GALNT13: variants seen among roughly 807,000 people sequenced by gnomAD.
GALNT13 encodes the protein UDP-GalNAc:polypeptide N-acetylgalactosaminyltransferase 13.
Under a neutral mutation model 64.2 loss-of-function variants are expected in GALNT13, and 28 were observed. The ratio of observed to expected loss-of-function variants is 0.44; its 90% CI spans 0.32 to 0.60. GALNT13 has a LOEUF of 0.60. Among genes scored for constraint, GALNT13 ranks in the 20% least tolerant of loss-of-function variants. The probability of loss-of-function intolerance (pLI) is 0.05; values close to 1 mark genes in which losing one functional copy is unlikely to be tolerated. For synonymous variants in GALNT13, 214 were observed against 224.6 expected (o/e 0.95, Z 0.42); for missense variants, 577 against 669.8 (o/e 0.86, Z 1.53).
At chr2:153,676,926 C>T in the GALNT13 span, among the ~76,000 whole-genome samples, 48 of 151,880 alleles carry the variant, frequency 3.2e-4, no homozygotes, top group Non-Finnish European at 4.7e-4. Context: ...ATAATCATAC[C>T]GAATGGGCAA....
chr2:154,064,604 G>C (rs1574436404), intron 3 of GALNT13, among the ~76,000 whole-genome samples: 1 of 152,092 alleles, frequency 6.6e-6, no homozygotes, highest in Non-Finnish European at 1.5e-5. Flanking sequence ...CTAGCACCCA[G>C]TGATATTTCT....
the GALNT13 span, among the ~76,000 whole-genome samples, chr2:153,617,042 G>GT: frequency 6.6e-6 from 1 of 151,836 alleles, no homozygotes; most frequent in Non-Finnish European, 1.5e-5. Context: ...CAGATGTTCT[G>GT]TAAGAAATAT....
chr2:154,044,281 CAG>C (rs1445833479), intron 3 of GALNT13, among the ~76,000 whole-genome samples: 1 of 152,024 alleles, frequency 6.6e-6, no homozygotes, highest in Non-Finnish European at 1.5e-5. Context: ...GTGAAATTAA[CAG>C]ATATTAATTT....
At chr2:153,776,040 A>C in the GALNT13 span, among the ~76,000 whole-genome samples, 6 of 152,170 alleles carry the variant, frequency 3.9e-5, no homozygotes, top group Admixed American at 6.5e-5. Context: ...TCAATAGGAA[A>C]CTTCGAAGAA....
At chr2:153,935,470 C>T (rs1181226674) in intron 2 of GALNT13, among the ~76,000 whole-genome samples, 19 of 152,154 alleles carry the variant, frequency 1.2e-4, no homozygotes, top group Admixed American at 1.2e-3. Context: ...GAGTTGTAGC[C>T]TGGATTGTTT....
intron 3 of GALNT13, among the ~76,000 whole-genome samples, chr2:154,061,345 T>A (rs1254750302): frequency 6.6e-6 from 1 of 152,200 alleles, no homozygotes; most frequent in East Asian, 1.9e-4. Context: ...CTTTCCGCCA[T>A]GTGACCTGAC....
At chr2:153,423,930 T>C in the GALNT13 span, among the ~76,000 whole-genome samples, 4 of 151,532 alleles carry the variant, frequency 2.6e-5, no homozygotes, top group South Asian at 8.3e-4. Flanking sequence ...TGTTAGACTA[T>C]AAAGTGCCTA....
intron 10 of GALNT13, among the ~76,000 whole-genome samples, chr2:154,400,513 T>C (rs1293079795): frequency 2.6e-5 from 4 of 152,178 alleles, no homozygotes; most frequent in Non-Finnish European, 5.9e-5. Context: ...GAGGCAAATA[T>C]GGTATTCAGT....
At chr2:154,231,540 G>A (rs1230552568) in intron 4 of GALNT13, among the ~76,000 whole-genome samples, 3 of 151,750 alleles carry the variant, frequency 2.0e-5, no homozygotes, top group Non-Finnish European at 1.5e-5. Flanking sequence ...TTATTTTAAA[G>A]AACTTCAATT....
intron 2 of GALNT13, among the ~76,000 whole-genome samples, chr2:153,931,910 T>C (rs1690556534): frequency 6.6e-6 from 1 of 152,156 alleles, no homozygotes; most frequent in Non-Finnish European, 1.5e-5. Context: ...CCTCCTCAAT[T>C]TTTGGGAAGA....
chr2:153,664,241 G>T, the GALNT13 span, among the ~76,000 whole-genome samples: 1 of 152,106 alleles, frequency 6.6e-6, no homozygotes, highest in Non-Finnish European at 1.5e-5. Context: ...CTCCCAGAGT[G>T]GCCGTTCATA....
chr2:153,102,183 T>A, the GALNT13 span, among the ~76,000 whole-genome samples: 1 of 152,116 alleles, frequency 6.6e-6, no homozygotes, highest in Admixed American at 6.6e-5. Context: ...TCTTGCTCTG[T>A]CTCCCTCTTT....
chr2:154,355,078 C>T (rs1192218438), intron 9 of GALNT13, among the ~76,000 whole-genome samples: 1 of 151,956 alleles, frequency 6.6e-6, no homozygotes, highest in Non-Finnish European at 1.5e-5. Flanking sequence ...TTACAAATGA[C>T]CTTAAGCTTT....
At chr2:153,552,866 C>T in the GALNT13 span, among the ~76,000 whole-genome samples, 2 of 152,022 alleles carry the variant, frequency 1.3e-5, no homozygotes, top group African/African-American at 4.8e-5. Flanking sequence ...CCTTTGCATA[C>T]ACAGTTCACA....
the GALNT13 span, among the ~76,000 whole-genome samples, chr2:153,086,809 T>C: frequency 6.6e-6 from 1 of 152,164 alleles, no homozygotes; most frequent in Non-Finnish European, 1.5e-5. Flanking sequence ...ATAGCAGTGC[T>C]GCTGACTTGT....
chr2:153,070,812 G>A, the GALNT13 span, among the ~76,000 whole-genome samples: 5 of 152,096 alleles, frequency 3.3e-5, no homozygotes, highest in Non-Finnish European at 5.9e-5. Flanking sequence ...AAACCTCTGT[G>A]TTTGGAATCG....
At chr2:153,687,663 A>G in the GALNT13 span, among the ~76,000 whole-genome samples, 1 of 151,998 alleles carries the variant, frequency 6.6e-6, no homozygotes, top group Non-Finnish European at 1.5e-5. Flanking sequence ...AATTTAATAA[A>G]TCTATGATCC....
At chr2:153,822,613 A>G in the GALNT13 span, among the ~76,000 whole-genome samples, 4 of 152,198 alleles carry the variant, frequency 2.6e-5, no homozygotes, top group Non-Finnish European at 4.4e-5. Flanking sequence ...TGACACACTC[A>G]AGCCAACATG....
chr2:154,154,226 A>C (rs1573765023), intron 4 of GALNT13, among the ~76,000 whole-genome samples: 1 of 152,364 alleles, frequency 6.6e-6, no homozygotes, highest in Middle Eastern at 3.4e-3. Context: ...CCAAAAAAAT[A>C]AGAAAATTTA....
Sources: allele counts gnomAD v4.1 joint callset (sites outside exome capture counted in the v4.1 genomes callset), GRCh38; gene constraint gnomAD v4.1.1; transcripts MANE v1.5; gene names NCBI Gene and HGNC (gene_info 2026-07-23, HGNC 2026-07-21).